Variants in BRD8 observed in about 807,000 individuals in gnomAD.
BRD8 encodes bromodomain containing 8.
A neutral mutation model predicts 143.1 loss-of-function variants in BRD8; 67 were observed. That is an observed-to-expected ratio of 0.47 (90% CI 0.38 to 0.57). BRD8 has a LOEUF of 0.57. Among genes scored for constraint, BRD8 ranks in the 20% least tolerant of loss-of-function variants. The pLI is 0.00. For missense variants in BRD8, 1,103 were observed against 1,503.0 expected (o/e 0.73, Z 4.40); for synonymous variants, 505 against 517.1 (o/e 0.98, Z 0.32).
intron 20 of BRD8, among the ~76,000 whole-genome samples, chr5:138,153,997 A>G (rs1752476086): frequency 6.6e-6 from 1 of 152,098 alleles, no homozygotes; most frequent in South Asian, 2.1e-4. Context: ...TTCTTAGTCT[A>G]CAGAACCCAC....
chr5:138,163,059 A>AGGAT, intron 15 of BRD8, 71 bp downstream of exon 15: 1 of 1,159,948 alleles, frequency 8.6e-7, no homozygotes, highest in Non-Finnish European at 1.2e-6. Flanking sequence ...ACAGGAAGGA[A>AGGAT]GGAAGGAAGG....
intron 2 of BRD8, among the ~76,000 whole-genome samples, chr5:138,175,810 A>C (rs774614202): frequency 7.5e-5 from 11 of 146,122 alleles, no homozygotes; most frequent in Non-Finnish European, 1.1e-4. Context: ...GCTACTCAGG[A>C]GGCTGAGGCC....
chr5:138,163,482 T>G, intron 14 of BRD8, 138 bp from the exon 15 acceptor site: 1 of 1,354,482 alleles, frequency 7.4e-7, no homozygotes, highest in Non-Finnish European at 1.0e-6. Flanking sequence ...TGTCTATCAC[T>G]TATACTACCA....
At chr5:138,142,895 A>G (rs1424318022) in intron 25 of BRD8, among the ~76,000 whole-genome samples, 1 of 151,950 alleles carries the variant, frequency 6.6e-6, no homozygotes, top group Non-Finnish European at 1.5e-5. Flanking sequence ...GTGAGACCCC[A>G]TATCTACAAA....
rs567725388 is a variant in BRD8 at position 138,164,730 on chromosome 5, G to C, written c.1715C>G (p.Thr572Arg). Reference sequence around the variant, plus strand: ...CTTAAGTACCTCTGTCTTCACATTTGTAAGTGGAGTCTCATCGCCTTTCCC... The same window carrying C: ...CTTAAGTACCTCTGTCTTCACATTTCTAAGTGGAGTCTCATCGCCTTTCCC... ...AIGKGDETPL[T>R]NVKTEASPES... Residue 572 changes from threonine (T) to arginine (R), a missense_variant, in exon 12 of 27, where the codon ACA becomes AGA. Coordinates refer to ENST00000254900, the MANE Select transcript of BRD8 (RefSeq NM_139199.2). 6.2e-7 allele frequency: 1 copy of C among 1,614,144 alleles called. No homozygotes were observed. The highest frequency in any genetic ancestry group is 1.1e-5 in the South Asian group (1 of 91,078).
chr5:138,141,132 A>AT lies in BRD8; in HGVS notation c.3438-251dup, dbSNP rs34463315. On this transcript the variant is annotated intron_variant, in intron 25 of 26. Coordinates refer to ENST00000254900, the MANE Select transcript of BRD8 (RefSeq NM_139199.2). ...GTAAGGTAGGTATCATTAATATCTCATTTTTTTTTTTTTTGAGTCGGAGTT... is the reference window on the plus strand; with the variant it reads ...GTAAGGTAGGTATCATTAATATCTCATTTTTTTTTTTTTTTGAGTCGGAGTT... Among the ~76,000 whole-genome samples the AT allele has an allele frequency of 7.4e-3, 1,076 of 144,572 alleles. 7 individuals are homozygous for AT. Among genetic ancestry groups the AT allele is most frequent in the African/African-American group, 0.021 (814 of 39,452 alleles). The allele number at this position is 144,572 out of a possible 152,430, so 94.8% of individuals were successfully genotyped here.
chr5:138,161,944 A>G, intron 16 of BRD8, 80 bp from the exon 17 acceptor site: 2 of 1,567,278 alleles, frequency 1.3e-6, no homozygotes, highest in Non-Finnish European at 1.8e-6. Context: ...AACTAAAGGT[A>G]GTAAGAACTA....
chr5:138,163,118 T>G lies in BRD8; in HGVS notation c.2087+12A>C. On this transcript the variant is annotated intron_variant, in intron 15 of 26. Transcript: ENST00000254900. ...CTGCCTTGGCCTCAAAGAAAGAATC[T>G]CAGATACTCACAACTGTGAAGAAGC... 4 of 1,612,546 alleles carry G rather than the reference T, an allele frequency of 2.5e-6. No individual in the cohort carries two copies. The highest frequency in any genetic ancestry group is 3.4e-6 in the Non-Finnish European group (4 of 1,178,986).
chr5:138,144,918 A>AAAAAAAAAT (rs1554092109), intron 25 of BRD8, among the ~76,000 whole-genome samples: 1 of 89,832 alleles, frequency 1.1e-5, no homozygotes, highest in African/African-American at 4.1e-5. Flanking sequence ...AAAAAAAAAA[A>AAAAAAAAAT]ATATATATAT....
At chr5:138,166,186 C>T (rs1202619737) in intron 10 of BRD8, 78 bp from the exon 11 acceptor site, 11 of 977,986 alleles carry the variant, frequency 1.1e-5, no homozygotes, top group Non-Finnish European at 7.7e-6. Flanking sequence ...ATAAGCGCTA[C>T]AGACAGATGT....
chr5:138,166,854 A>C (rs1753467796), intron 9 of BRD8, 127 bp from the exon 10 acceptor site: 2 of 671,308 alleles, frequency 3.0e-6, no homozygotes, highest in Non-Finnish European at 5.4e-6. Flanking sequence ...TCCTGCATTG[A>C]ATAAGTTCAT....
chr5:138,150,906 T>C lies in BRD8; in HGVS notation c.2959A>G (p.Ser987Gly). The C allele has an allele frequency of 6.2e-7, 1 of 1,614,198 alleles. No homozygotes were observed. Among genetic ancestry groups the C allele is most frequent in the Non-Finnish European group, 8.5e-7 (1 of 1,180,030 alleles). ...TRQEGREIKA[S>G]EGERELCRET... ...CTGCAGAGCTCCCTTTCTCCTTCGC[T>C]AGCTTTAATTTCCCTTCCTTCTTGT... The change falls in exon 22 of 27, where the codon AGC becomes GGC. Residue 987 changes from serine to glycine, a missense_variant. Physicochemically the swap from Ser to Gly is moderately conservative, Grantham distance 56. This residue lies in a region of BRD8 where 369 missense variants were observed against 445.5 expected (regional missense o/e 0.83). Transcript: ENST00000254900.
chr5:138,160,729 C>A (rs998222063), intron 18 of BRD8, among the ~76,000 whole-genome samples, 162 bp downstream of exon 18: 2 of 152,168 alleles, frequency 1.3e-5, no homozygotes, highest in African/African-American at 4.8e-5. Flanking sequence ...TTTCACCACA[C>A]CAAAGAAAAT....
chr5:138,161,308 C>T, intron 17 of BRD8: 1 of 374,426 alleles, frequency 2.7e-6, no homozygotes, highest in Non-Finnish European at 4.8e-6. Context: ...GGGCCTGGAT[C>T]TGTCACTCAG....
intron 2 of BRD8, chr5:138,172,576 G>A (rs1485205489): frequency 1.5e-5 from 4 of 271,138 alleles, no homozygotes; most frequent in African/African-American, 3.0e-5. Context: ...GCAATGGACC[G>A]TGCCTGTAAT....
chr5:138,147,546 T>C (rs950722845), intron 23 of BRD8, among the ~76,000 whole-genome samples: 6 of 152,300 alleles, frequency 3.9e-5, no homozygotes, highest in African/African-American at 9.6e-5. Flanking sequence ...TAGTGGCTCA[T>C]GCCTATAATC....
chr5:138,174,095 G>A (rs1409509997), intron 2 of BRD8, among the ~76,000 whole-genome samples: 1 of 151,828 alleles, frequency 6.6e-6, no homozygotes, highest in Admixed American at 6.6e-5. Flanking sequence ...TATCCTCCAG[G>A]CTCAACCATG....
chr5:138,155,398 G>A (rs922168410), intron 20 of BRD8, among the ~76,000 whole-genome samples: 15 of 149,788 alleles, frequency 1.0e-4, no homozygotes, highest in East Asian at 2.1e-4. Flanking sequence ...GCAGTGAGCC[G>A]AGATTGCGCC....
Position 138,167,951 on chromosome 5 carries a change from G to A in BRD8, c.770C>T (p.Ala257Val). ...EIQQTPNTVA[A>V]SPAASGAPTL... ...TAACTTACCTGATGCAGCAGGGGAG[G>A]CTGCAACAGTATTGGGTGTTTGCTG... The change falls in exon 9 of 27, where the codon GCC (alanine) becomes GTC (valine). Residue 257 changes from alanine (A) to valine (V), a missense_variant. This residue lies in a region of BRD8 where 334 missense variants were observed against 372.5 expected (regional missense o/e 0.90). Transcript: ENST00000254900. 1 of 1,613,720 alleles carries A rather than the reference G, an allele frequency of 6.2e-7. No individual in the cohort carries two copies. Among genetic ancestry groups the A allele is most frequent in the South Asian group, 1.1e-5 (1 of 91,060 alleles).
Sources: allele counts gnomAD v4.1 joint callset (sites outside exome capture counted in the v4.1 genomes callset), GRCh38; gene constraint gnomAD v4.1.1; regional missense constraint gnomAD v4.1.1; transcripts MANE v1.5; gene names NCBI Gene and HGNC (gene_info 2026-07-23, HGNC 2026-07-21).